The following FNDC7 variants were observed in gnomAD, a reference collection of about 807,000 sequenced individuals.
FNDC7 encodes fibronectin type III domain-containing protein 7.
Under a neutral mutation model 74.2 loss-of-function variants are expected in FNDC7, and 66 were observed. The observed-to-expected ratio is 0.89, with a 90% CI of 0.73 to 1.09. FNDC7 has a LOEUF of 1.09. Among genes scored for constraint, FNDC7 ranks in the 50% least tolerant of loss-of-function variants. The pLI, the probability that FNDC7 is intolerant of heterozygous loss-of-function variation, is 0.00. For synonymous variants in FNDC7, 307 were observed against 330.2 expected (o/e 0.93, Z 0.76); for missense variants, 829 against 893.4 (o/e 0.93, Z 0.92).
intron 4 of FNDC7, among the ~76,000 whole-genome samples, chr1:108,721,448 G>A (rs2101079446): frequency 6.6e-6 from 1 of 152,150 alleles, no homozygotes; most frequent in East Asian, 1.9e-4. Context: ...CAGCCTGGGC[G>A]ACAGAGCGAG....
rs115342550 is a variant in FNDC7 at position 108,733,838 on chromosome 1, C to T, written c.2140+306C>T. ...AGTAATTTTTGTATTTTTGTAGAGA[C>T]GGGGCTTCAGCATATTGGCCAGGCT... On this transcript the variant is annotated intron_variant, in intron 10 of 12. Transcript: ENST00000370017. Among the ~76,000 whole-genome samples the T allele has an allele frequency of 9.2e-3, 1,403 of 151,822 alleles. 23 individuals carry two copies. Among genetic ancestry groups the T allele is most frequent in the African/African-American group, 0.032 (1,332 of 41,406 alleles).
intron 6 of FNDC7, among the ~76,000 whole-genome samples, chr1:108,727,550 A>C (rs1159708478): frequency 6.6e-6 from 1 of 152,054 alleles, no homozygotes; most frequent in Non-Finnish European, 1.5e-5. Context: ...GGAATTGAGG[A>C]GTCTGGTGTG....
chr1:108,726,128 T>A, intron 6 of FNDC7, 124 bp downstream of exon 6: 1 of 1,226,752 alleles, frequency 8.2e-7, no homozygotes, highest in Non-Finnish European at 1.1e-6. Flanking sequence ...GAACAGAAAG[T>A]AATCTCTTAT....
At chr1:108,737,801 T>C (rs1470522913) in intron 11 of FNDC7, among the ~76,000 whole-genome samples, 1 of 152,184 alleles carries the variant, frequency 6.6e-6, no homozygotes, top group Non-Finnish European at 1.5e-5. Context: ...AGCGGCTTCA[T>C]CCCTCACACT....
chr1:108,716,467 T>A (rs550818371), intron 2 of FNDC7, among the ~76,000 whole-genome samples: 1 of 151,818 alleles, frequency 6.6e-6, no homozygotes, highest in Non-Finnish European at 1.5e-5. Flanking sequence ...CACTGGCAAG[T>A]GGCTATGATG....
At chr1:108,734,693 T>G (rs1661470676) in intron 10 of FNDC7, 1 of 152,168 alleles carries the variant, frequency 6.6e-6, no homozygotes, top group African/African-American at 2.4e-5. Context: ...TTCCATTATT[T>G]GGTCCACAGG....
chr1:108,727,148 A>C lies in FNDC7; in HGVS notation c.1112-660A>C, dbSNP rs116476906. Among the ~76,000 whole-genome samples the C allele has an allele frequency of 6.9e-3, 1,049 of 152,242 alleles. 12 individuals are homozygous for C. Among genetic ancestry groups the C allele is most frequent in the African/African-American group, 0.024 (1,005 of 41,546 alleles). ...GAGACCAGCCTGGGCAACATGGAGA[A>C]ACTCTGTCTCTGCTAAAAATGCAAA... On this transcript the variant is annotated intron_variant, in intron 6 of 12. Transcript: ENST00000370017.
At position 108,728,662 on chromosome 1, in the gene FNDC7, C is replaced by T. The variant is rs1483601093; in HGVS notation, c.1400C>T (p.Ser467Leu). The change falls in exon 8 of 13, where the codon TCA becomes TTA. Residue 467 changes from serine (S) to leucine (L), a missense_variant. By Grantham distance (145) the Ser-to-Leu change is moderately radical. Coordinates refer to ENST00000370017, the MANE Select transcript of FNDC7 (RefSeq NM_001144937.3). ...TGCAGTCCTGAAATAAAAAATGTTT[C>T]AAGGGATGCATTCTCCATGATTAAT... Reference protein sequence around the residue: ...APCSPEIKNVSRDAFSMINVH... With the variant: ...APCSPEIKNVLRDAFSMINVH... 2 of 1,614,226 alleles carry T rather than the reference C, an allele frequency of 1.2e-6. No individual in the cohort carries two copies. The highest frequency in any genetic ancestry group is 2.2e-5 in the South Asian group (2 of 91,084).
intron 7 of FNDC7, 146 bp from the exon 8 acceptor site, chr1:108,728,486 G>T (rs140998036): frequency 2.4e-5 from 20 of 831,778 alleles, no homozygotes; most frequent in Middle Eastern, 3.5e-4. Context: ...AGTTCCCCAC[G>T]CATAGGCACT....
chr1:108,737,169 G>T (rs7522448), intron 10 of FNDC7, among the ~76,000 whole-genome samples: 60,174 of 151,586 alleles, frequency 0.4, 12,479 homozygotes, highest in Middle Eastern at 0.49. Context: ...TGGGGGTTTC[G>T]CCATGTTGGC....
At chr1:108,713,040 A>G in intron 1 of FNDC7, 44 bp downstream of exon 1, 1 of 1,502,666 alleles carries the variant, frequency 6.7e-7, no homozygotes, top group Non-Finnish European at 9.0e-7. Flanking sequence ...TAGGGGAAAA[A>G]AGAAAGACAC....
chr1:108,727,189 G>A (rs945181545), intron 6 of FNDC7, among the ~76,000 whole-genome samples: 2 of 152,126 alleles, frequency 1.3e-5, no homozygotes, highest in East Asian at 3.9e-4. Flanking sequence ...GCTGGACGTG[G>A]TGGCATGTGC....
chr1:108,715,660 C>T (rs1344552810), intron 2 of FNDC7, among the ~76,000 whole-genome samples: 2 of 70,684 alleles, frequency 2.8e-5, no homozygotes, highest in South Asian at 5.6e-4. Flanking sequence ...CATGCGCGTG[C>T]GTGCGCGCGC....
At chr1:108,730,377 A>AAAG (rs1215841794) in intron 8 of FNDC7, among the ~76,000 whole-genome samples, 5 of 151,016 alleles carry the variant, frequency 3.3e-5, no homozygotes, top group African/African-American at 1.2e-4. Context: ...AAAAAAAAAA[A>AAAG]TGTTGAAGAT....
At position 108,717,883 on chromosome 1, in the gene FNDC7, A is replaced by G. The variant is rs1486123820; in HGVS notation, c.189A>G (p.Glu63=). 6.4e-7 allele frequency: 1 copy of G among 1,551,748 alleles called. No homozygotes were observed. The highest frequency in any genetic ancestry group is 8.7e-7 in the Non-Finnish European group (1 of 1,147,002). The change falls in exon 3 of 13, where the codon GAA becomes GAG. Residue 63 remains glutamate, a synonymous_variant. Coordinates refer to ENST00000370017, the MANE Select transcript of FNDC7 (RefSeq NM_001144937.3). ...PGATSYLLTA[E]DGDTVIETTV... ...CCACCAGTTACCTCCTCACGGCTGA[A>G]GACGGGGACACAGTCATTGAAACCA...
intron 11 of FNDC7, among the ~76,000 whole-genome samples, chr1:108,740,431 G>A (rs573035044): frequency 6.9e-6 from 1 of 145,516 alleles, no homozygotes; most frequent in African/African-American, 2.6e-5. Flanking sequence ...GGATTCAAGC[G>A]ATTCTCGCGC....
chr1:108,742,447 G>A lies in FNDC7; in HGVS notation c.*560G>A, dbSNP rs1222668467. ...AACAAACGCCCTCATCGCAAGTTAG[G>A]AGCAAAGCTGAGCTGCTTGCAGGGT... On this transcript the variant is annotated 3_prime_UTR_variant, in exon 13 of 13. Transcript: ENST00000370017. 2 of 152,330 alleles carry A rather than the reference G, an allele frequency of 1.3e-5. No individual in the cohort carries two copies. The highest frequency in any genetic ancestry group is 2.9e-5 in the Non-Finnish European group (2 of 68,126). The allele number at this position is 152,330 out of a possible 1,614,324, so 9.4% of individuals were successfully genotyped here.
Position 108,730,752 on chromosome 1 carries a change from T to A in FNDC7, c.1703T>A (p.Val568Glu), listed in dbSNP as rs1661325311. The A allele has an allele frequency of 6.2e-7, 1 of 1,613,344 alleles. No individual in the cohort carries two copies. Among genetic ancestry groups the A allele is most frequent in the Non-Finnish European group, 8.5e-7 (1 of 1,179,730 alleles). Residue 568 changes from valine to glutamate, a missense_variant, in exon 9 of 13, where the codon GTG (valine) becomes GAG (glutamate). Physicochemically the swap from Val to Glu is moderately radical, Grantham distance 121. Transcript: ENST00000370017. ...VINVSWTIGR[V>E]AQTHVAVLES... Reference sequence around the variant, plus strand: ...AACGTGAGCTGGACTATTGGGAGAGTGGCTCAAACCCATGTTGCAGTTCTG... The same window carrying A: ...AACGTGAGCTGGACTATTGGGAGAGAGGCTCAAACCCATGTTGCAGTTCTG...
At chr1:108,722,722 G>A (rs1166442099) in intron 5 of FNDC7, 130 bp downstream of exon 5, 2 of 1,029,402 alleles carry the variant, frequency 1.9e-6, no homozygotes, top group Non-Finnish European at 2.7e-6. Flanking sequence ...TGAAAGCATA[G>A]AGTTGGACAT....
Sources: allele counts gnomAD v4.1 joint callset (sites outside exome capture counted in the v4.1 genomes callset), GRCh38; gene constraint gnomAD v4.1.1; transcripts MANE v1.5; gene names NCBI Gene and HGNC (gene_info 2026-07-23, HGNC 2026-07-21).